SYT1: variants seen among roughly 807,000 people sequenced by gnomAD.
The protein encoded by SYT1 is synaptotagmin 1.
A neutral mutation model predicts 44.8 loss-of-function variants in SYT1; 8 were observed. That is an observed-to-expected ratio of 0.18 (90% confidence interval 0.10 to 0.32). SYT1 has a LOEUF of 0.32. Ranked by LOEUF, SYT1 falls within the 10% of genes least tolerant of loss-of-function variation. SYT1 has a pLI of 1.00. For missense variants in SYT1, 286 were observed against 509.3 expected, an observed-to-expected ratio of 0.56 and a Z score of 4.22; for synonymous variants, 154 against 188.8, an observed-to-expected ratio of 0.82 and a Z score of 1.51.
At chr12:79,177,288 T>C (rs1336759329) in intron 3 of SYT1, among the ~76,000 whole-genome samples, 1 of 60,350 alleles carries the variant, frequency 1.7e-5, no homozygotes, top group Non-Finnish European at 3.2e-5. Flanking sequence ...TGAGTGAGAA[T>C]ATGCGGTGTT....
chr12:79,432,548 T>G (rs1869859780), intron 9 of SYT1, among the ~76,000 whole-genome samples: 1 of 152,140 alleles, frequency 6.6e-6, no homozygotes, highest in African/African-American at 2.4e-5. Context: ...GTCCATAGGC[T>G]CAACAAAGTC....
chr12:79,143,679 CT>C (rs545041694), intron 3 of SYT1, among the ~76,000 whole-genome samples: 43 of 152,284 alleles, frequency 2.8e-4, no homozygotes, highest in African/African-American at 1.0e-3. Context: ...TTAAAACATT[CT>C]TTTTTTAATT....
At chr12:78,986,526 A>G (rs1869652083) in intron 2 of SYT1, among the ~76,000 whole-genome samples, 1 of 151,924 alleles carries the variant, frequency 6.6e-6, no homozygotes, top group African/African-American at 2.4e-5. Flanking sequence ...ATATTTATTA[A>G]TTAACAATTA....
chr12:79,037,904 A>T (rs1456872640), intron 2 of SYT1, among the ~76,000 whole-genome samples: 1 of 151,970 alleles, frequency 6.6e-6, no homozygotes, highest in African/African-American at 2.4e-5. Context: ...TGTTGTGCTT[A>T]ATGAACAAAA....
At position 78,965,313 on chromosome 12, in the gene SYT1, T is replaced by C. The variant is rs917968892; in HGVS notation, c.-216-12486T>C. Among the ~76,000 whole-genome samples the C allele has an allele frequency of 3.9e-5, 6 of 152,308 alleles. No individual in the cohort carries two copies. The East Asian group carries it at 1.2e-3, about 29-fold the overall frequency. Reference sequence around the variant, plus strand: ...TGAAAATGCTAGTTGCCATTTTATATGTACAGATTAGGCAGCTACTATGAG... The same window carrying C: ...TGAAAATGCTAGTTGCCATTTTATACGTACAGATTAGGCAGCTACTATGAG... On this transcript the variant is annotated intron_variant, in intron 1 of 10. Transcript: ENST00000261205.
chr12:79,326,721 CCAAA>C (rs1881624193), intron 8 of SYT1, among the ~76,000 whole-genome samples: 1 of 152,112 alleles, frequency 6.6e-6, no homozygotes, highest in Non-Finnish European at 1.5e-5. Flanking sequence ...AAACTAATGA[CCAAA>C]CAGTGGCATT....
intron 9 of SYT1, among the ~76,000 whole-genome samples, chr12:79,383,746 TA>T: frequency 6.6e-6 from 1 of 152,144 alleles, no homozygotes; most frequent in Non-Finnish European, 1.5e-5. Context: ...CACATGAAAA[TA>T]AAAAACTACA....
intron 1 of SYT1, among the ~76,000 whole-genome samples, chr12:78,968,433 A>G (rs918701949): frequency 6.6e-6 from 1 of 152,062 alleles, no homozygotes; most frequent in African/African-American, 2.4e-5. Context: ...TAGACAGAGT[A>G]TTTTATGAGC....
chr12:79,010,077 T>G (rs1435823087), intron 2 of SYT1, among the ~76,000 whole-genome samples: 1 of 152,194 alleles, frequency 6.6e-6, no homozygotes, highest in East Asian at 1.9e-4. Flanking sequence ...TATTGCTAGA[T>G]GAATACTGTA....
At chr12:79,178,185 CTTA>C (rs1380123446) in intron 3 of SYT1, among the ~76,000 whole-genome samples, 1 of 152,056 alleles carries the variant, frequency 6.6e-6, no homozygotes, top group African/African-American at 2.4e-5. Flanking sequence ...GCCTGAATCA[CTTA>C]TTATATTGAC....
intron 2 of SYT1, among the ~76,000 whole-genome samples, chr12:79,030,627 A>T (rs189259244): frequency 6.6e-6 from 1 of 150,980 alleles, no homozygotes; most frequent in Non-Finnish European, 1.5e-5. Context: ...TGAAAGCAGA[A>T]ATTTCTTGAG....
intron 3 of SYT1, among the ~76,000 whole-genome samples, chr12:79,163,782 A>C (rs1405452705): frequency 6.6e-6 from 1 of 152,136 alleles, no homozygotes; most frequent in African/African-American, 2.4e-5. Context: ...TTTGGCAGGC[A>C]TGTATCAAAC....
intron 4 of SYT1, among the ~76,000 whole-genome samples, chr12:79,282,712 A>G (rs1029445101): frequency 1.5e-4 from 23 of 152,184 alleles, no homozygotes; most frequent in African/African-American, 5.3e-4. Context: ...TACATTTTTA[A>G]TATTCACATT....
chr12:79,037,078 G>A (rs1329558195), intron 2 of SYT1, among the ~76,000 whole-genome samples: 1 of 151,772 alleles, frequency 6.6e-6, no homozygotes, highest in Non-Finnish European at 1.5e-5. Context: ...TACTATTCTA[G>A]GGGCTGGAGA....
chr12:79,058,326 A>C (rs535782871), intron 3 of SYT1, among the ~76,000 whole-genome samples: 5 of 152,208 alleles, frequency 3.3e-5, no homozygotes, highest in African/African-American at 9.6e-5. Flanking sequence ...TGTGAGTGAG[A>C]GGGACACAAG....
At chr12:79,390,147 A>C (rs541491214) in intron 9 of SYT1, among the ~76,000 whole-genome samples, 1 of 152,074 alleles carries the variant, frequency 6.6e-6, no homozygotes, top group East Asian at 1.9e-4. Flanking sequence ...TTTAGCCAGG[A>C]TGGTCTCGAT....
chr12:79,088,263 T>G (rs775007808), intron 3 of SYT1, among the ~76,000 whole-genome samples: 1 of 152,044 alleles, frequency 6.6e-6, no homozygotes, highest in African/African-American at 2.4e-5. Context: ...ATTTTCTAGA[T>G]AACAAGAAGT....
At chr12:79,429,673 C>G (rs183236440) in intron 9 of SYT1, among the ~76,000 whole-genome samples, 351 of 152,238 alleles carry the variant, frequency 2.3e-3, no homozygotes, top group African/African-American at 7.6e-3. Flanking sequence ...GGACTACAGG[C>G]ACCCACCACC....
intron 3 of SYT1, among the ~76,000 whole-genome samples, chr12:79,090,346 A>T (rs564435889): frequency 1.3e-5 from 2 of 152,078 alleles, no homozygotes; most frequent in East Asian, 3.9e-4. Flanking sequence ...AGTCCCACTT[A>T]ACAGCCAAAA....
Sources: gnomAD v4.1 joint callset for allele counts (sites outside exome capture counted in the v4.1 genomes callset) on GRCh38, gnomAD v4.1.1 for gene constraint, MANE v1.5 for transcripts, NCBI Gene and HGNC (gene_info 2026-07-23, HGNC 2026-07-21) for gene names.